LDLRAD4: variants seen among roughly 807,000 people sequenced by gnomAD.
LDLRAD4 encodes low density lipoprotein receptor class A domain containing 4.
Under a neutral mutation model 17.0 loss-of-function variants are expected in LDLRAD4, and 5 were observed. The ratio of observed to expected loss-of-function variants is 0.29; its 90% CI spans 0.15 to 0.62. LDLRAD4 has a LOEUF of 0.62. Ranked by LOEUF, LDLRAD4 falls within the 20% of genes least tolerant of loss-of-function variation. The pLI is 0.84. For synonymous variants in LDLRAD4, 168 were observed against 171.8 expected (o/e 0.98, Z 0.17); for missense variants, 340 against 424.7 (o/e 0.80, Z 1.75).
At chr18:13,316,639 A>G (rs2080948906) in intron 1 of LDLRAD4, among the ~76,000 whole-genome samples, 2 of 152,172 alleles carry the variant, frequency 1.3e-5, no homozygotes, top group South Asian at 4.2e-4. Flanking sequence ...AAAACACATG[A>G]TGGTAACAGC....
chr18:13,237,166 G>A (rs1361193505), intron 1 of LDLRAD4, among the ~76,000 whole-genome samples: 5 of 152,212 alleles, frequency 3.3e-5, no homozygotes, highest in Non-Finnish European at 7.3e-5. Flanking sequence ...TGGCCAGTCC[G>A]AGTCCTGCTC....
intron 3 of LDLRAD4, among the ~76,000 whole-genome samples, chr18:13,576,276 G>T (rs1417243910): frequency 6.6e-6 from 1 of 152,084 alleles, no homozygotes; most frequent in East Asian, 1.9e-4. Context: ...CAAAAAATTA[G>T]CTGGGCATGG....
chr18:13,355,122 A>G (rs539147659), intron 1 of LDLRAD4, among the ~76,000 whole-genome samples: 10 of 152,376 alleles, frequency 6.6e-5, no homozygotes, highest in African/African-American at 2.4e-4. Context: ...CTGGTACAGC[A>G]TTGCAGAGGG....
intron 3 of LDLRAD4, among the ~76,000 whole-genome samples, chr18:13,545,748 A>G (rs560095489): frequency 1.3e-5 from 2 of 152,316 alleles, no homozygotes; most frequent in African/African-American, 4.8e-5. Context: ...TATGACACCA[A>G]GCATACTCAG....
chr18:13,578,852 T>TTTTTTTTTTTTA (rs2094815138), intron 3 of LDLRAD4, among the ~76,000 whole-genome samples: 1 of 140,712 alleles, frequency 7.1e-6, no homozygotes, highest in Non-Finnish European at 1.5e-5. Flanking sequence ...TTTTTTTTTT[T>TTTTTTTTTTTTA]TTTGTCAGAG....
intron 2 of LDLRAD4, among the ~76,000 whole-genome samples, chr18:13,422,609 G>A (rs1177925684): frequency 6.6e-6 from 1 of 152,016 alleles, no homozygotes; most frequent in Non-Finnish European, 1.5e-5. Flanking sequence ...GAGGCGGGAG[G>A]ATGGCTTGAG....
At chr18:13,489,017 GC>G (rs1350260146) in intron 3 of LDLRAD4, 1 of 152,222 alleles carries the variant, frequency 6.6e-6, no homozygotes, top group Non-Finnish European at 1.5e-5. Context: ...AAGTGTGGGG[GC>G]AGACTCAAGA....
chr18:13,230,684 G>A (rs904677293), intron 1 of LDLRAD4, among the ~76,000 whole-genome samples: 2 of 152,170 alleles, frequency 1.3e-5, no homozygotes, highest in African/African-American at 2.4e-5. Context: ...GTGGGAGGGT[G>A]TCTGCGAGTG....
intron 1 of LDLRAD4, among the ~76,000 whole-genome samples, chr18:13,312,418 T>C (rs564821595): frequency 5.8e-4 from 89 of 152,266 alleles, no homozygotes; most frequent in African/African-American, 2.1e-3. Context: ...ATTCAACCTG[T>C]ATATACTTAA....
intron 1 of LDLRAD4, among the ~76,000 whole-genome samples, chr18:13,383,930 G>A (rs1344002107): frequency 6.6e-6 from 1 of 152,160 alleles, no homozygotes; most frequent in Non-Finnish European, 1.5e-5. Context: ...ATTTATAATT[G>A]CATTTTACCT....
chr18:13,243,492 AC>A (rs750251887), intron 1 of LDLRAD4, among the ~76,000 whole-genome samples: 5 of 145,748 alleles, frequency 3.4e-5, no homozygotes, highest in Non-Finnish European at 7.5e-5. Context: ...GCACCTACCC[AC>A]CCGTTCCTCT....
chr18:13,386,927 G>C (rs1568082692), intron 1 of LDLRAD4, among the ~76,000 whole-genome samples: 1 of 147,012 alleles, frequency 6.8e-6, no homozygotes, highest in Non-Finnish European at 1.5e-5. Context: ...TAGATAGATA[G>C]ATAGATAGAT....
At chr18:13,354,290 C>A (rs2083211873) in intron 1 of LDLRAD4, among the ~76,000 whole-genome samples, 1 of 151,960 alleles carries the variant, frequency 6.6e-6, no homozygotes. Flanking sequence ...TAAGAATTGT[C>A]AATTTTATGC....
At chr18:13,232,467 C>T (rs73951903) in intron 1 of LDLRAD4, among the ~76,000 whole-genome samples, 8 of 149,878 alleles carry the variant, frequency 5.3e-5, no homozygotes, top group East Asian at 1.9e-4. Flanking sequence ...CTTCCTTCCC[C>T]GCGTGGCCTT....
chr18:13,249,468 T>C (rs549965874), intron 1 of LDLRAD4, among the ~76,000 whole-genome samples: 99 of 152,320 alleles, frequency 6.5e-4, no homozygotes, highest in African/African-American at 2.3e-3. Context: ...CTCATTGTGG[T>C]TTTGATTTGT....
At chr18:13,357,149 CA>C (rs1231928350) in intron 1 of LDLRAD4, among the ~76,000 whole-genome samples, 1 of 151,926 alleles carries the variant, frequency 6.6e-6, no homozygotes, top group Non-Finnish European at 1.5e-5. Flanking sequence ...AAAAAACAAA[CA>C]AAAAAACAAA....
chr18:13,646,960 A>C (rs962442892), exon 6 of LDLRAD4: 1 of 152,190 alleles, frequency 6.6e-6, no homozygotes, highest in African/African-American at 2.4e-5. Context: ...GAAGAATGCC[A>C]TGTTGCTGAT....
chr18:13,634,166 C>T (rs1360814744), intron 4 of LDLRAD4, among the ~76,000 whole-genome samples: 1 of 152,200 alleles, frequency 6.6e-6, no homozygotes, highest in Non-Finnish European at 1.5e-5. Flanking sequence ...AGGATGCCTG[C>T]TTTCACTACT....
At chr18:13,232,878 A>C (rs1252177190) in intron 1 of LDLRAD4, among the ~76,000 whole-genome samples, 1 of 152,202 alleles carries the variant, frequency 6.6e-6, no homozygotes. Context: ...AGCTGGCAGC[A>C]GGGAGAGAAG....
Sources: gnomAD v4.1 joint callset for allele counts (sites outside exome capture counted in the v4.1 genomes callset) on GRCh38, gnomAD v4.1.1 for gene constraint, MANE v1.5 for transcripts, NCBI Gene and HGNC (gene_info 2026-07-23, HGNC 2026-07-21) for gene names.